Variants in MACROD2 observed in about 807,000 individuals in gnomAD.
MACROD2 encodes the protein ADP-ribose glycohydrolase MACROD2.
In MACROD2, 36 loss-of-function variants were observed where a neutral mutation model predicts 70.4. The ratio of observed to expected loss-of-function variants is 0.51; its 90% CI spans 0.39 to 0.68. MACROD2 has a LOEUF of 0.68. MACROD2 is among the 30% of genes least tolerant of loss of function. MACROD2 has a pLI of 0.00. For synonymous variants in MACROD2, 172 were observed against 178.8 expected (o/e 0.96, Z 0.30); for missense variants, 496 against 538.4 (o/e 0.92, Z 0.78).
chr20:15,094,654 C>G (rs1397662093), intron 5 of MACROD2, among the ~76,000 whole-genome samples: 1 of 151,992 alleles, frequency 6.6e-6, no homozygotes, highest in Non-Finnish European at 1.5e-5. Context: ...GGACAAGAAA[C>G]AAAAGCCTCC....
At chr20:14,279,365 G>A (rs2082285414) in intron 3 of MACROD2, among the ~76,000 whole-genome samples, 1 of 152,068 alleles carries the variant, frequency 6.6e-6, no homozygotes, top group Admixed American at 6.6e-5. Context: ...CATTATGCTT[G>A]ATTTAGTTGG....
chr20:15,998,962 C>G lies in MACROD2; in HGVS notation c.1153+11804C>G, dbSNP rs946912540. On this transcript the variant is annotated intron_variant, in intron 15 of 17. Coordinates refer to ENST00000684519, the MANE Select transcript of MACROD2 (RefSeq NM_001351661.2). Reference sequence around the variant, plus strand: ...TCATCCTTTTTATTGTTTTTCTATTCTCTATTTCATTAGAGATCAGAGATT... The same window carrying G: ...TCATCCTTTTTATTGTTTTTCTATTGTCTATTTCATTAGAGATCAGAGATT... 2.6e-5 allele frequency among the ~76,000 whole-genome samples: 4 copies of G among 151,750 alleles called. No individual in the cohort carries two copies. In the East Asian group the frequency reaches 7.7e-4, roughly 29 times the overall value.
chr20:14,599,616 T>A (rs6042812), intron 4 of MACROD2, among the ~76,000 whole-genome samples: 2,969 of 152,050 alleles, frequency 0.02, 101 homozygotes, highest in African/African-American at 0.068. Flanking sequence ...TTGTAGGAAG[T>A]TTTTCAGCAG....
At chr20:14,123,392 C>T (rs1266678225) in intron 3 of MACROD2, among the ~76,000 whole-genome samples, 2 of 152,068 alleles carry the variant, frequency 1.3e-5, no homozygotes, top group Non-Finnish European at 2.9e-5. Flanking sequence ...TCTCTCCTAC[C>T]CAAATGCTCC....
At chr20:14,196,040 C>G (rs1271690233) in intron 3 of MACROD2, among the ~76,000 whole-genome samples, 1 of 152,154 alleles carries the variant, frequency 6.6e-6, no homozygotes, top group East Asian at 1.9e-4. Context: ...TAAACATTCA[C>G]CCCTAGACAC....
intron 8 of MACROD2, among the ~76,000 whole-genome samples, chr20:15,664,043 GTC>G (rs1251945323): frequency 6.6e-6 from 1 of 152,204 alleles, no homozygotes; most frequent in Non-Finnish European, 1.5e-5. Flanking sequence ...CAGTTGGTCA[GTC>G]TCTCTGTATG....
At chr20:14,275,868 C>T (rs1281071243) in intron 3 of MACROD2, among the ~76,000 whole-genome samples, 4 of 152,146 alleles carry the variant, frequency 2.6e-5, no homozygotes, top group African/African-American at 9.7e-5. Flanking sequence ...CCAAAAAACA[C>T]ATGAAAAAAT....
Position 14,045,035 on chromosome 20 carries a change from C to T in MACROD2, c.164-40586C>T, listed in dbSNP as rs552691151. 5.9e-3 allele frequency among the ~76,000 whole-genome samples: 899 copies of T among 152,372 alleles called. 1 individual carries two copies. The highest frequency in any genetic ancestry group is 0.014 in the Middle Eastern group (4 of 294). On this transcript the variant is annotated intron_variant, in intron 2 of 17. Coordinates refer to ENST00000684519, the MANE Select transcript of MACROD2 (RefSeq NM_001351661.2). ...AGCAGCTGGTGGCCCAGGTGCTAAGCCCTTCACTGCCTGGGGCTTGCGGGC... is the reference window on the plus strand; with the variant it reads ...AGCAGCTGGTGGCCCAGGTGCTAAGTCCTTCACTGCCTGGGGCTTGCGGGC...
chr20:15,021,227 C>CGTATACGCACACGTGTGTGTAT (rs1568534864), intron 5 of MACROD2, among the ~76,000 whole-genome samples: 4 of 9,594 alleles, frequency 4.2e-4, no homozygotes, highest in African/African-American at 1.6e-3. Context: ...TACAGGTGTG[C>CGTATACGCACACGTGTGTGTAT]GTATACACAC....
At chr20:15,988,743 T>TTCACTGTAAG (rs2066519227) in intron 15 of MACROD2, among the ~76,000 whole-genome samples, 1 of 152,196 alleles carries the variant, frequency 6.6e-6, no homozygotes, top group Non-Finnish European at 1.5e-5. Context: ...AATTTGACTT[T>TTCACTGTAAG]TCACTGTAAG....
rs371198539 is a variant in MACROD2 at position 15,767,176 on chromosome 20, A to C, written c.646-95569A>C. Among the ~76,000 whole-genome samples the C allele has an allele frequency of 2.4e-4, 37 of 152,342 alleles. No individual in the cohort carries two copies. The East Asian group carries it at 6.2e-3, about 25-fold the overall frequency. On this transcript the variant is annotated intron_variant, in intron 8 of 17. Coordinates refer to ENST00000684519, the MANE Select transcript of MACROD2 (RefSeq NM_001351661.2). ...ACACAAGTACATAATTTCCCTACAC[A>C]ATGAGTAACTAGATTTTATGTTTTC...
rs553053099 is a variant in MACROD2, at chr20:14,259,174, C to A, written c.271+173446C>A. Among the ~76,000 whole-genome samples the A allele has an allele frequency of 3.9e-5, 6 of 152,262 alleles. No individual in the cohort carries two copies. In the South Asian group the frequency reaches 1.2e-3, roughly 32 times the overall value. On this transcript the variant is annotated intron_variant, in intron 3 of 17. Transcript: ENST00000684519. ...GCCAGGCTGATCTTGAACTCCTGAC[C>A]GTGTGATCCACCCGCCTTGGCCTCC...
intron 3 of MACROD2, among the ~76,000 whole-genome samples, chr20:14,290,605 G>A (rs2082378396): frequency 6.6e-6 from 1 of 151,626 alleles, no homozygotes; most frequent in Admixed American, 6.6e-5. Context: ...TGCCTCCTGG[G>A]TTCAGGCAAT....
intron 5 of MACROD2, among the ~76,000 whole-genome samples, chr20:15,183,080 C>A (rs773857924): frequency 2.0e-5 from 3 of 152,136 alleles, no homozygotes; most frequent in Non-Finnish European, 2.9e-5. Context: ...GGTTGCATTT[C>A]TTGCCTTTAT....
At chr20:15,878,916 A>G (rs2064713971) in intron 9 of MACROD2, among the ~76,000 whole-genome samples, 1 of 152,144 alleles carries the variant, frequency 6.6e-6, no homozygotes, top group South Asian at 2.1e-4. Flanking sequence ...TCAAAATAAG[A>G]ACTTCGGTCA....
At position 15,140,563 on chromosome 20, in the gene MACROD2, C is replaced by G. The variant is rs575281170; in HGVS notation, c.419-89377C>G. Among the ~76,000 whole-genome samples the G allele has an allele frequency of 7.9e-5, 12 of 152,198 alleles. No individual in the cohort carries two copies. The East Asian group carries it at 2.3e-3, about 29-fold the overall frequency. On this transcript the variant is annotated intron_variant, in intron 5 of 17. Transcript: ENST00000684519. ...TTGATTTTATGAGATCATTAGTTTA[C>G]TTATTATTCAATAAATTTAACTCCT...
intron 3 of MACROD2, among the ~76,000 whole-genome samples, chr20:14,218,361 T>A (rs889652658): frequency 5.3e-5 from 8 of 152,238 alleles, no homozygotes; most frequent in African/African-American, 1.9e-4. Flanking sequence ...TCCATTTTCA[T>A]GAAATGCCTT....
chr20:15,389,615 G>C (rs991890513), intron 6 of MACROD2, among the ~76,000 whole-genome samples: 1 of 152,160 alleles, frequency 6.6e-6, no homozygotes, highest in Non-Finnish European at 1.5e-5. Context: ...TACTAATTAA[G>C]ATAAAGGCTG....
At chr20:15,000,037 AT>A (rs1486612738) in intron 5 of MACROD2, among the ~76,000 whole-genome samples, 4 of 152,332 alleles carry the variant, frequency 2.6e-5, no homozygotes, top group African/African-American at 4.8e-5. Context: ...TAAATTCATC[AT>A]TGCAGTTACT....
Sources: allele counts gnomAD v4.1 joint callset (sites outside exome capture counted in the v4.1 genomes callset), GRCh38; gene constraint gnomAD v4.1.1; transcripts MANE v1.5; gene names NCBI Gene and HGNC (gene_info 2026-07-23, HGNC 2026-07-21).